SPATA13: variants seen among roughly 807,000 people sequenced by gnomAD.
The protein encoded by SPATA13 is spermatogenesis associated 13, also known as spermatogenesis-associated protein 13.
SPATA13 carries 50 observed loss-of-function variants against 104.0 expected under a neutral mutation model. That is an observed-to-expected ratio of 0.48 (90% CI 0.38 to 0.61). The LOEUF (loss-of-function observed/expected upper bound fraction) is 0.61, where lower values mean the gene tolerates loss of function less well. SPATA13 is among the 20% of genes least tolerant of loss of function. The pLI, the probability that SPATA13 is intolerant of heterozygous loss-of-function variation, is 0.00. For synonymous variants in SPATA13, 606 were observed against 667.5 expected, an observed-to-expected ratio of 0.91 and a Z score of 1.42; for missense variants, 1,524 against 1,690.6, an observed-to-expected ratio of 0.90 and a Z score of 1.73.
chr13:24,144,973 G>T (rs955791409), intron 3 of SPATA13, among the ~76,000 whole-genome samples: 7 of 152,292 alleles, frequency 4.6e-5, no homozygotes, highest in African/African-American at 1.7e-4. Flanking sequence ...CAAATGGAGG[G>T]TGAGGACACA....
chr13:24,048,212 A>G (rs904061714), intron 3 of SPATA13, among the ~76,000 whole-genome samples: 2 of 152,218 alleles, frequency 1.3e-5, no homozygotes, highest in African/African-American at 2.4e-5. Flanking sequence ...TGGACACATA[A>G]AATTCACTAT....
At chr13:24,236,450 C>T (rs1374146705) in intron 2 of SPATA13, among the ~76,000 whole-genome samples, 3 of 151,940 alleles carry the variant, frequency 2.0e-5, no homozygotes, top group African/African-American at 7.3e-5. Flanking sequence ...AAAAAATTAG[C>T]TGGGCGTGGT....
At chr13:24,069,427 G>GT (rs2137763781) in intron 3 of SPATA13, among the ~76,000 whole-genome samples, 1 of 152,260 alleles carries the variant, frequency 6.6e-6, no homozygotes, top group Admixed American at 6.5e-5. Context: ...TGGCTTCACT[G>GT]TTTTGGTATG....
chr13:24,019,722 AT>A (rs1374544817), intron 3 of SPATA13, among the ~76,000 whole-genome samples: 1 of 152,180 alleles, frequency 6.6e-6, no homozygotes, highest in Non-Finnish European at 1.5e-5. Flanking sequence ...TAAAAAAAAA[AT>A]GACATTTTGA....
chr13:24,042,081 G>C (rs1343777136), intron 3 of SPATA13, among the ~76,000 whole-genome samples: 1 of 152,142 alleles, frequency 6.6e-6, no homozygotes, highest in Non-Finnish European at 1.5e-5. Context: ...ACCAACTCTA[G>C]GGGCAGCGCA....
chr13:24,250,406 G>A (rs1468734323), intron 3 of SPATA13, among the ~76,000 whole-genome samples: 1 of 151,942 alleles, frequency 6.6e-6, no homozygotes, highest in Non-Finnish European at 1.5e-5. Context: ...TATTTATCCG[G>A]GTATCCAGTG....
intron 4 of SPATA13, among the ~76,000 whole-genome samples, chr13:24,258,235 CA>C (rs58659073): frequency 0.21 from 29,697 of 139,242 alleles, 3,122 homozygotes; most frequent in African/African-American, 0.3. Context: ...AACTCTATCT[CA>C]AAAAAAAAAA....
intron 4 of SPATA13, among the ~76,000 whole-genome samples, chr13:24,277,244 A>G (rs1441979815): frequency 6.6e-6 from 1 of 152,044 alleles, no homozygotes; most frequent in Non-Finnish European, 1.5e-5. Flanking sequence ...GGAGATCGAG[A>G]CCATCCTGGC....
Position 24,049,872 on chromosome 13 carries a change from C to T in SPATA13, c.-112+32171C>T, listed in dbSNP as rs545002348. On this transcript the variant is annotated intron_variant, in intron 3 of 14. Transcript: ENST00000424834. ...TTCCATTTGCAGACATTTTCAGACTCGTTCTTTCTTTCTTTTTTGAGACAG... is the reference window on the plus strand; with the variant it reads ...TTCCATTTGCAGACATTTTCAGACTTGTTCTTTCTTTCTTTTTTGAGACAG... Among the ~76,000 whole-genome samples, 22 of 152,162 alleles carry T rather than the reference C, an allele frequency of 1.4e-4. 1 individual carries two copies. The highest frequency in any genetic ancestry group is 9.2e-4 in the Admixed American group (14 of 15,274).
intron 2 of SPATA13, among the ~76,000 whole-genome samples, chr13:24,004,020 A>G (rs1406519768): frequency 2.0e-5 from 3 of 152,180 alleles, no homozygotes; most frequent in Non-Finnish European, 4.4e-5. Flanking sequence ...TCTTTTAAAT[A>G]TAGAAGTTGA....
intron 3 of SPATA13, among the ~76,000 whole-genome samples, chr13:24,055,852 C>A (rs111785428): frequency 2.0e-4 from 30 of 152,210 alleles, no homozygotes; most frequent in African/African-American, 6.8e-4. Flanking sequence ...GCCGAGGAGT[C>A]CAATCCACCA....
intron 1 of SPATA13, among the ~76,000 whole-genome samples, chr13:24,179,052 T>C (rs938297683): frequency 1.3e-5 from 2 of 152,204 alleles, no homozygotes; most frequent in Non-Finnish European, 1.5e-5. Context: ...TAGGTCTGGC[T>C]TCTTTCACAG....
At chr13:24,226,195 A>T (rs948656539) in intron 2 of SPATA13, among the ~76,000 whole-genome samples, 1 of 152,158 alleles carries the variant, frequency 6.6e-6, no homozygotes, top group Non-Finnish European at 1.5e-5. Context: ...ACTTCACACG[A>T]AATTGGCATC....
intron 3 of SPATA13, among the ~76,000 whole-genome samples, chr13:24,054,090 A>C (rs1332906462): frequency 6.6e-6 from 1 of 151,958 alleles, no homozygotes; most frequent in African/African-American, 2.4e-5. Flanking sequence ...TGAACCATGG[A>C]GAGGGCAGCA....
intron 9 of SPATA13, among the ~76,000 whole-genome samples, chr13:24,291,782 T>C (rs28702614): frequency 0.058 from 8,400 of 144,956 alleles, 338 homozygotes; most frequent in Non-Finnish European, 0.078. Flanking sequence ...CGGAGTCTCG[T>C]TCTGTCGCCC....
At chr13:24,291,788 C>T (rs1336257590) in intron 9 of SPATA13, among the ~76,000 whole-genome samples, 37 of 123,738 alleles carry the variant, frequency 3.0e-4, no homozygotes, top group Non-Finnish European at 6.1e-4. Context: ...CTCGTTCTGT[C>T]GCCCAGGCCG....
At position 24,121,607 on chromosome 13, in the gene SPATA13, A is replaced by G. The variant is rs140005773; in HGVS notation, c.-111-101212A>G. ...TTGACATATAAAGAATAGATACCCA[A>G]TGGTGAGGAAGAGACAGAAATTGGA... On this transcript the variant is annotated intron_variant, in intron 3 of 14. Transcript: ENST00000424834. Among the ~76,000 whole-genome samples the G allele has an allele frequency of 6.2e-4, 94 of 152,338 alleles. 1 individual carries two copies. The highest frequency in any genetic ancestry group is 2.1e-3 in the African/African-American group (89 of 41,578).
chr13:24,084,516 A>G (rs1435712439), intron 3 of SPATA13, among the ~76,000 whole-genome samples: 3 of 130,346 alleles, frequency 2.3e-5, no homozygotes, highest in African/African-American at 8.6e-5. Flanking sequence ...TCAAAATGTC[A>G]GGGAAACCTG....
At chr13:24,078,256 G>A (rs1377641887) in intron 3 of SPATA13, among the ~76,000 whole-genome samples, 1 of 152,124 alleles carries the variant, frequency 6.6e-6, no homozygotes, top group African/African-American at 2.4e-5. Context: ...CAAAACTTTG[G>A]AGCCAGACAC....
Sources: gnomAD v4.1 joint callset for allele counts (sites outside exome capture counted in the v4.1 genomes callset) on GRCh38, gnomAD v4.1.1 for gene constraint, MANE v1.5 for transcripts, NCBI Gene and HGNC (gene_info 2026-07-23, HGNC 2026-07-21) for gene names.